Variants in CHODL observed in about 807,000 individuals in gnomAD.
CHODL encodes transmembrane protein MT75.
In CHODL, 29 loss-of-function variants were observed where a neutral mutation model predicts 34.5. That is an observed-to-expected ratio of 0.84 (90% CI 0.63 to 1.15). CHODL has a LOEUF of 1.15. CHODL is among the 50% of genes most tolerant of loss of function. The pLI is 0.00. For synonymous variants in CHODL, 125 were observed against 116.1 expected, an observed-to-expected ratio of 1.08 and a Z score of -0.49; for missense variants, 332 against 332.5, an observed-to-expected ratio of 1.00 and a Z score of 0.01.
chr21:18,017,448 T>G (rs2146421034), intron 1 of CHODL, among the ~76,000 whole-genome samples: 1 of 152,314 alleles, frequency 6.6e-6, no homozygotes, highest in East Asian at 1.9e-4. Flanking sequence ...TTCCAGCCAC[T>G]CTGGCTTCAG....
At chr21:17,923,271 G>T (rs2063196497) in intron 1 of CHODL, among the ~76,000 whole-genome samples, 1 of 146,002 alleles carries the variant, frequency 6.8e-6, no homozygotes, top group South Asian at 2.1e-4. Flanking sequence ...GTCTTTTTCT[G>T]CCTCTTTTTT....
At chr21:18,010,400 G>C (rs1329537412) in intron 1 of CHODL, among the ~76,000 whole-genome samples, 1 of 151,864 alleles carries the variant, frequency 6.6e-6, no homozygotes, top group Non-Finnish European at 1.5e-5. Context: ...CAAATGACTG[G>C]AGAAGTTTCA....
intron 4 of CHODL, among the ~76,000 whole-genome samples, chr21:18,260,831 A>T (rs1341213134): frequency 7.0e-6 from 1 of 143,436 alleles, no homozygotes; most frequent in East Asian, 1.9e-4. Context: ...AACAACAACA[A>T]CAACAACAAC....
At chr21:18,245,646 A>T (rs1022587786) in intron 1 of CHODL, among the ~76,000 whole-genome samples, 3 of 151,990 alleles carry the variant, frequency 2.0e-5, no homozygotes, top group Non-Finnish European at 4.4e-5. Flanking sequence ...GGGGTGGGGT[A>T]GGGCGGAGGC....
Position 17,934,430 on chromosome 21 carries a change from A to ACT in CHODL, c.-145+17046_-145+17047dup, listed in dbSNP as rs71189569. On this transcript the variant is annotated intron_variant, in intron 1 of 6. Transcript: ENST00000400127. ...TCAGTTCACATTTTGTCTGTCTTTCACTCTCTCTCTCTCTCTCCCTATTAG... is the reference window on the plus strand; with the variant it reads ...TCAGTTCACATTTTGTCTGTCTTTCACTCTCTCTCTCTCTCTCTCCCTATTAG... 3.5e-3 allele frequency among the ~76,000 whole-genome samples: 519 copies of ACT among 146,958 alleles called. 1 individual carries two copies. Among genetic ancestry groups the ACT allele is most frequent in the African/African-American group, 0.011 (429 of 39,582 alleles).
At chr21:18,197,456 A>G (rs188692370) in intron 2 of CHODL, among the ~76,000 whole-genome samples, 1 of 152,252 alleles carries the variant, frequency 6.6e-6, no homozygotes, top group African/African-American at 2.4e-5. Flanking sequence ...ACCAAAAAAT[A>G]CAAAAGATTA....
chr21:18,014,132 C>CA (rs1272803079), intron 1 of CHODL, among the ~76,000 whole-genome samples: 1 of 151,992 alleles, frequency 6.6e-6, no homozygotes, highest in African/African-American at 2.4e-5. Flanking sequence ...TTGAGGGTGA[C>CA]AGAGTCATGT....
chr21:18,247,846 G>C (rs2074161147), intron 1 of CHODL, among the ~76,000 whole-genome samples: 2 of 151,920 alleles, frequency 1.3e-5, no homozygotes, highest in African/African-American at 4.8e-5. Context: ...TGAAGTGACT[G>C]GTGAGTAGTG....
intron 2 of CHODL, among the ~76,000 whole-genome samples, chr21:18,194,323 C>T (rs1181258571): frequency 2.0e-5 from 3 of 152,118 alleles, no homozygotes; most frequent in Admixed American, 6.5e-5. Flanking sequence ...AGCCCCCTGC[C>T]CACATCTGTG....
intron 2 of CHODL, among the ~76,000 whole-genome samples, chr21:18,173,810 G>T (rs2073259991): frequency 6.6e-6 from 1 of 151,580 alleles, no homozygotes; most frequent in Non-Finnish European, 1.5e-5. Context: ...TATATGAGGA[G>T]CAATGTTGAG....
At chr21:17,936,297 A>C (rs985499821) in intron 1 of CHODL, among the ~76,000 whole-genome samples, 2 of 152,168 alleles carry the variant, frequency 1.3e-5, no homozygotes, top group Non-Finnish European at 2.9e-5. Context: ...CGAGGTACAA[A>C]GATTTAGAAG....
chr21:18,141,723 GAA>G (rs11308901), intron 2 of CHODL, among the ~76,000 whole-genome samples: 4,339 of 124,542 alleles, frequency 0.035, 210 homozygotes, highest in African/African-American at 0.11. Flanking sequence ...GAAAGAACAG[GAA>G]AAAAAAAAAA....
At chr21:18,260,335 T>C in intron 4 of CHODL, 49 bp downstream of exon 4, 1 of 1,184,774 alleles carries the variant, frequency 8.4e-7, no homozygotes, top group Non-Finnish European at 1.2e-6. Flanking sequence ...AACTGTACTT[T>C]CAAACGCTGC....
chr21:18,175,245 C>A (rs969816071), intron 2 of CHODL, among the ~76,000 whole-genome samples: 1 of 152,144 alleles, frequency 6.6e-6, no homozygotes, highest in African/African-American at 2.4e-5. Context: ...ACATACCCAT[C>A]CAGTGTCTTT....
chr21:17,945,522 A>C (rs1289022565), intron 1 of CHODL, among the ~76,000 whole-genome samples: 1 of 152,200 alleles, frequency 6.6e-6, no homozygotes. Flanking sequence ...AGGGTCAATG[A>C]GCTGGAAGAT....
intron 1 of CHODL, among the ~76,000 whole-genome samples, chr21:17,921,066 G>A (rs1330316915): frequency 1.3e-5 from 2 of 152,162 alleles, no homozygotes; most frequent in Non-Finnish European, 2.9e-5. Context: ...AGGACCAATA[G>A]GATGGATGGA....
At chr21:18,087,169 A>G (rs2065017963) in intron 2 of CHODL, among the ~76,000 whole-genome samples, 1 of 152,152 alleles carries the variant, frequency 6.6e-6, no homozygotes, top group African/African-American at 2.4e-5. Flanking sequence ...CCAGTCATGG[A>G]CTTGTGACCA....
chr21:18,024,369 G>C (rs1186421589), intron 1 of CHODL, among the ~76,000 whole-genome samples: 3 of 152,142 alleles, frequency 2.0e-5, no homozygotes, highest in Non-Finnish European at 4.4e-5. Context: ...AGGTAGGGCA[G>C]GGCGCAAGTC....
intron 1 of CHODL, among the ~76,000 whole-genome samples, chr21:17,952,733 T>C (rs1224172772): frequency 6.6e-6 from 1 of 152,208 alleles, no homozygotes; most frequent in Admixed American, 6.5e-5. Flanking sequence ...AAATGGATTA[T>C]TTAAAGCAAG....
Sources: gnomAD v4.1 joint callset for allele counts (sites outside exome capture counted in the v4.1 genomes callset) on GRCh38, gnomAD v4.1.1 for gene constraint, MANE v1.5 for transcripts, NCBI Gene and HGNC (gene_info 2026-07-23, HGNC 2026-07-21) for gene names.